TAFA5: variants seen among roughly 807,000 people sequenced by gnomAD.
TAFA5 encodes the protein chemokine-like protein TAFA-5.
In TAFA5, 6 loss-of-function variants were observed where a neutral mutation model predicts 15.3. The observed-to-expected ratio is 0.39, with a 90% CI of 0.21 to 0.77. The LOEUF is 0.77. TAFA5 is among the 30% of genes least tolerant of loss of function. The probability of loss-of-function intolerance (pLI) is 0.41; values close to 1 mark genes in which losing one functional copy is unlikely to be tolerated. For missense variants in TAFA5, 161 were observed against 193.1 expected (o/e 0.83, Z 0.98); for synonymous variants, 103 against 80.7 (o/e 1.28, Z -1.48).
chr22:48,710,486 C>T (rs1459769794), intron 3 of TAFA5, among the ~76,000 whole-genome samples: 1 of 152,184 alleles, frequency 6.6e-6, no homozygotes, highest in Non-Finnish European at 1.5e-5. Context: ...CTTCACCCAC[C>T]CCAGAGCCAG....
intron 1 of TAFA5, among the ~76,000 whole-genome samples, chr22:48,518,722 C>A (rs1220972594): frequency 6.6e-6 from 1 of 152,144 alleles, no homozygotes; most frequent in Non-Finnish European, 1.5e-5. Flanking sequence ...GAAACAGGTC[C>A]CCTAAGGTCA....
chr22:48,641,598 A>T (rs1267411424), intron 1 of TAFA5, among the ~76,000 whole-genome samples: 2 of 37,544 alleles, frequency 5.3e-5, no homozygotes, highest in African/African-American at 2.1e-4. Context: ...TCCACCCCAC[A>T]CGCCCTCCGC....
Position 48,585,616 on chromosome 22 carries a change from A to G in TAFA5, c.113-60981A>G, listed in dbSNP as rs533289875. On this transcript the variant is annotated intron_variant, in intron 1 of 3. Transcript: ENST00000402357. ...ACACAGATACCACACACAACAAAAT[A>G]CACCACACACACTAGACATCACACA... Among the ~76,000 whole-genome samples the G allele has an allele frequency of 3.2e-3, 480 of 151,334 alleles. 3 individuals carry two copies. Among genetic ancestry groups the G allele is most frequent in the Non-Finnish European group, 5.4e-3 (363 of 67,778 alleles).
chr22:48,700,776 C>T (rs1928880351), intron 2 of TAFA5, among the ~76,000 whole-genome samples: 1 of 152,182 alleles, frequency 6.6e-6, no homozygotes, highest in Non-Finnish European at 1.5e-5. Flanking sequence ...TAGCAAGAGC[C>T]GTCCCACTTC....
chr22:48,576,047 C>T lies in TAFA5; in HGVS notation c.113-70550C>T, dbSNP rs1025916493. The stretch of plus-strand genomic sequence containing the variant: ...GGCCGGGGCCGCGCCGGACCCCCCC[C>T]CCCCCCGCGCCGCCCGGCCGTTGCG... On this transcript the variant is annotated intron_variant, in intron 1 of 3. Coordinates refer to ENST00000402357, the MANE Select transcript of TAFA5 (RefSeq NM_001082967.3). Among the ~76,000 whole-genome samples, 192 of 110,976 alleles carry T rather than the reference C, an allele frequency of 1.7e-3. 6 individuals are homozygous for T. The highest frequency in any genetic ancestry group is 2.9e-3 in the South Asian group (9 of 3,156). The allele number at this position is 110,976 out of a possible 152,430, so 72.8% of individuals were successfully genotyped here.
intron 1 of TAFA5, among the ~76,000 whole-genome samples, chr22:48,577,750 G>A (rs938001017): frequency 6.6e-6 from 1 of 152,192 alleles, no homozygotes; most frequent in Non-Finnish European, 1.5e-5. Context: ...TTGGATGTGG[G>A]CACCTAGTAC....
Position 48,530,972 on chromosome 22 carries a change from G to C in TAFA5, c.112+41268G>C, listed in dbSNP as rs1284177998. Among the ~76,000 whole-genome samples the C allele has an allele frequency of 1.3e-5, 2 of 151,968 alleles. No individual in the cohort carries two copies. Among genetic ancestry groups the C allele is most frequent in the African/African-American group, 4.8e-5 (2 of 41,388 alleles). ...GCAAAGTGGTGCCCCTGCCCGCCCC[G>C]ACCCCAGCCTTGTTAGGGGACTGGC... On this transcript the variant is annotated intron_variant, in intron 1 of 3. Coordinates refer to ENST00000402357, the MANE Select transcript of TAFA5 (RefSeq NM_001082967.3). This position sits in a 1 kb window ranked among gnomAD's most constrained non-coding sequence, Gnocchi z 6.0.
chr22:48,649,195 G>A (rs1926969556), intron 2 of TAFA5, among the ~76,000 whole-genome samples: 1 of 152,232 alleles, frequency 6.6e-6, no homozygotes, highest in African/African-American at 2.4e-5. Context: ...CAGATGCCCT[G>A]TGCACCTGGG....
chr22:48,561,493 C>A (rs1923228104), intron 1 of TAFA5, among the ~76,000 whole-genome samples: 1 of 152,172 alleles, frequency 6.6e-6, no homozygotes, highest in Admixed American at 6.5e-5. Context: ...ATCACCCACA[C>A]TTCTGGAGCC....
intron 1 of TAFA5, among the ~76,000 whole-genome samples, chr22:48,628,104 A>C (rs1053811822): frequency 2.6e-5 from 4 of 151,632 alleles, no homozygotes; most frequent in Non-Finnish European, 5.9e-5. Context: ...CGGCTCTGTG[A>C]GGTCTGGCCT....
At chr22:48,608,472 C>T (rs952408379) in intron 1 of TAFA5, among the ~76,000 whole-genome samples, 9 of 152,040 alleles carry the variant, frequency 5.9e-5, no homozygotes, top group African/African-American at 1.9e-4. Context: ...TTGACTCATC[C>T]GTCCTCCACT....
chr22:48,512,821 G>T (rs1395307397), intron 1 of TAFA5, among the ~76,000 whole-genome samples: 1 of 151,398 alleles, frequency 6.6e-6, no homozygotes, highest in Non-Finnish European at 1.5e-5. Context: ...TACTTGGGAG[G>T]CTGAGGCAGG....
rs1371103007 is a variant in TAFA5, at chr22:48,617,070, ACAATGCACTCCC to A, written c.113-29523_113-29512del. Among the ~76,000 whole-genome samples, 4 of 152,308 alleles carry A rather than the reference ACAATGCACTCCC, an allele frequency of 2.6e-5. No individual in the cohort carries two copies. The East Asian group carries it at 7.7e-4, about 29-fold the overall frequency. ...GCAGACCCAGCGTGTGGTTGGCTGA[ACAATGCACTCCC>A]CAAAAGATGTCCGGGTTCTAATCCC... On this transcript the variant is annotated intron_variant, in intron 1 of 3. Transcript: ENST00000402357.
intron 1 of TAFA5, among the ~76,000 whole-genome samples, chr22:48,494,262 C>T (rs1928249536): frequency 6.6e-6 from 1 of 152,170 alleles, no homozygotes; most frequent in African/African-American, 2.4e-5. Flanking sequence ...ATTAAAATCC[C>T]CATTTCTTTA....
At position 48,751,300 on chromosome 22, in the gene TAFA5, T is replaced by C. The variant is rs2147281506; in HGVS notation, c.*1453T>C. ...GAGAAGTCCTCTGTCTTCGTGTCAC[T>C]AGGTCCAGAAAGTCGCGCCGGGCAG... On this transcript the variant is annotated 3_prime_UTR_variant, in exon 4 of 4. Transcript: ENST00000402357. 6.6e-6 allele frequency: 1 copy of C among 152,550 alleles called. No individual in the cohort carries two copies. The highest frequency in any genetic ancestry group is 2.1e-4 in the South Asian group (1 of 4,824). 9.4% of individuals were successfully genotyped at this position (152,550 alleles called of 1,614,324 possible).
At chr22:48,636,927 A>G (rs755465994) in intron 1 of TAFA5, among the ~76,000 whole-genome samples, 2 of 152,142 alleles carry the variant, frequency 1.3e-5, no homozygotes, top group Non-Finnish European at 2.9e-5. Context: ...GGGCCCTGGG[A>G]GGCTGAGGCC....
At chr22:48,693,929 C>G (rs1450696092) in intron 2 of TAFA5, among the ~76,000 whole-genome samples, 1 of 152,166 alleles carries the variant, frequency 6.6e-6, no homozygotes, top group Non-Finnish European at 1.5e-5. Flanking sequence ...TGTGGGGTCC[C>G]CTGCTCCAGA....
chr22:48,546,904 A>G (rs746545908), intron 1 of TAFA5: 2 of 208,350 alleles, frequency 9.6e-6, no homozygotes, highest in Non-Finnish European at 2.0e-5. Flanking sequence ...GACTCCGTTC[A>G]GCAAGGATTG....
chr22:48,514,434 C>T (rs1373448054), intron 1 of TAFA5, among the ~76,000 whole-genome samples: 1 of 152,232 alleles, frequency 6.6e-6, no homozygotes, highest in South Asian at 2.1e-4. Context: ...GGAATAACTT[C>T]GCCATGACTT....
Sources: gnomAD v4.1 joint callset for allele counts (sites outside exome capture counted in the v4.1 genomes callset) on GRCh38, gnomAD v4.1.1 for gene constraint, Gnocchi (gnomAD v3.1) non-coding constraint, MANE v1.5 for transcripts, NCBI Gene and HGNC (gene_info 2026-07-23, HGNC 2026-07-21) for gene names.